The following PACRG variants were observed in gnomAD, a reference collection of about 807,000 sequenced individuals.
The protein encoded by PACRG is parkin coregulated gene protein.
PACRG carries 29 observed loss-of-function variants against 29.7 expected under a neutral mutation model. The observed-to-expected ratio is 0.98, with a 90% CI of 0.73 to 1.33. The LOEUF is 1.33. Ranked by LOEUF, PACRG falls within the 40% of genes most tolerant of loss-of-function variation. The pLI, the probability that PACRG is intolerant of heterozygous loss-of-function variation, is 0.00. For synonymous variants in PACRG, 116 were observed against 118.7 expected (o/e 0.98, Z 0.15); for missense variants, 279 against 316.2 (o/e 0.88, Z 0.89).
intron 1 of PACRG, among the ~76,000 whole-genome samples, chr6:162,804,659 C>T (rs1786166145): frequency 6.6e-6 from 1 of 152,090 alleles, no homozygotes; most frequent in African/African-American, 2.4e-5. Flanking sequence ...TTCACCTTGA[C>T]TCTATATTCT....
intron 4 of PACRG, among the ~76,000 whole-genome samples, chr6:163,269,190 G>A (rs1783644478): frequency 6.6e-6 from 1 of 152,176 alleles, no homozygotes; most frequent in Non-Finnish European, 1.5e-5. Flanking sequence ...CCTCCTGGCT[G>A]GAAGGACTCA....
chr6:163,297,744 T>G (rs746893956), intron 4 of PACRG, among the ~76,000 whole-genome samples: 1 of 152,210 alleles, frequency 6.6e-6, no homozygotes, highest in Non-Finnish European at 1.5e-5. Context: ...TAAGACACTT[T>G]GTAAACCTGA....
intron 4 of PACRG, among the ~76,000 whole-genome samples, chr6:163,201,102 G>T (rs1277977195): frequency 6.6e-6 from 1 of 152,184 alleles, no homozygotes; most frequent in Admixed American, 6.5e-5. Context: ...AACTTGTAAT[G>T]TGTCAAACAA....
intron 2 of PACRG, among the ~76,000 whole-genome samples, chr6:162,882,206 C>A (rs1793949201): frequency 6.7e-6 from 1 of 149,616 alleles, no homozygotes. Flanking sequence ...GGCGCACTCT[C>A]CACCAAGACC....
intron 2 of PACRG, among the ~76,000 whole-genome samples, chr6:162,839,724 G>T (rs1322892487): frequency 3.4e-4 from 52 of 152,118 alleles, no homozygotes; most frequent in African/African-American, 1.2e-3. Flanking sequence ...TTTATGGTTT[G>T]AGGTCTAGCA....
intron 1 of PACRG, among the ~76,000 whole-genome samples, chr6:162,784,517 AG>A (rs1293252451): frequency 2.6e-5 from 4 of 151,996 alleles, no homozygotes; most frequent in African/African-American, 4.8e-5. Context: ...CAGACACTGA[AG>A]GTTTTTTTTG....
intron 2 of PACRG, among the ~76,000 whole-genome samples, chr6:162,819,453 C>T (rs979064059): frequency 2.0e-5 from 3 of 152,060 alleles, no homozygotes; most frequent in African/African-American, 4.8e-5. Flanking sequence ...TATTTCAAAA[C>T]GGATTTAAAT....
At chr6:162,757,969 A>G (rs1292492679) in intron 1 of PACRG, among the ~76,000 whole-genome samples, 2 of 152,170 alleles carry the variant, frequency 1.3e-5, no homozygotes, top group African/African-American at 2.4e-5. Flanking sequence ...ATTCTCTCCT[A>G]TGAGGTTGTC....
At chr6:162,827,100 C>A (rs1019827599) in intron 2 of PACRG, among the ~76,000 whole-genome samples, 5 of 151,942 alleles carry the variant, frequency 3.3e-5, no homozygotes, top group Non-Finnish European at 7.4e-5. Flanking sequence ...TATATATGCA[C>A]AAAAAGACTT....
upstream of PACRG, chr6:162,727,223 G>GC: frequency 5.8e-6 from 1 of 172,624 alleles, no homozygotes; most frequent in South Asian, 1.6e-4. Context: ...TCCTGAAAGA[G>GC]CCCCACAGAG....
intron 4 of PACRG, among the ~76,000 whole-genome samples, chr6:163,108,083 T>C (rs1815484757): frequency 6.6e-6 from 1 of 152,228 alleles, no homozygotes; most frequent in Non-Finnish European, 1.5e-5. Flanking sequence ...TTTGGCTTTG[T>C]GTCCCTACCC....
chr6:162,864,162 G>A (rs1036604020), intron 2 of PACRG, among the ~76,000 whole-genome samples: 6 of 152,072 alleles, frequency 3.9e-5, no homozygotes, highest in Non-Finnish European at 8.8e-5. Flanking sequence ...TGTGTGGTGT[G>A]TTCCCTGTTG....
At chr6:163,017,447 C>T (rs1227747902) in intron 2 of PACRG, among the ~76,000 whole-genome samples, 2 of 152,128 alleles carry the variant, frequency 1.3e-5, no homozygotes, top group African/African-American at 4.8e-5. Context: ...TATTACGAAT[C>T]TCTTTTGCAG....
chr6:162,819,582 A>G (rs1787659015), intron 2 of PACRG, among the ~76,000 whole-genome samples: 1 of 152,232 alleles, frequency 6.6e-6, no homozygotes, highest in African/African-American at 2.4e-5. Context: ...CTGAAATCCT[A>G]TAAGGCGAGA....
At chr6:163,048,866 A>G (rs1300759514) in intron 2 of PACRG, among the ~76,000 whole-genome samples, 3 of 152,188 alleles carry the variant, frequency 2.0e-5, no homozygotes, top group Non-Finnish European at 4.4e-5. Context: ...TGACATAGAC[A>G]TAGATACTTT....
chr6:163,069,676 CA>C (rs1230757196), intron 3 of PACRG, among the ~76,000 whole-genome samples: 1 of 151,842 alleles, frequency 6.6e-6, no homozygotes, highest in African/African-American at 2.4e-5. Flanking sequence ...AAAATAGCCC[CA>C]AAGCGGAAAA....
At chr6:162,892,940 C>T (rs1313581983) in intron 2 of PACRG, among the ~76,000 whole-genome samples, 1 of 149,770 alleles carries the variant, frequency 6.7e-6, no homozygotes, top group Non-Finnish European at 1.5e-5. Context: ...CGGCCCACAC[C>T]CCAGAGAAGA....
chr6:162,762,021 C>G (rs1379966651), intron 1 of PACRG, among the ~76,000 whole-genome samples: 1 of 144,238 alleles, frequency 6.9e-6, no homozygotes, highest in Non-Finnish European at 1.5e-5. Context: ...TCTAAACATT[C>G]AAAGAAACAA....
At chr6:162,739,569 C>A (rs186994644) in intron 1 of PACRG, among the ~76,000 whole-genome samples, 4 of 152,128 alleles carry the variant, frequency 2.6e-5, no homozygotes, top group South Asian at 4.1e-4. Context: ...GTCGGCCAGG[C>A]GTGGTTGCTC....
Sources: allele counts gnomAD v4.1 joint callset (sites outside exome capture counted in the v4.1 genomes callset), GRCh38; gene constraint gnomAD v4.1.1; transcripts MANE v1.5; gene names NCBI Gene and HGNC (gene_info 2026-07-23, HGNC 2026-07-21).